The following SEC24D variants were observed in gnomAD, a reference collection of about 807,000 sequenced individuals.
SEC24D encodes the protein SEC24 homolog D, COPII component, also known as protein transport protein Sec24D.
A neutral mutation model predicts 116.9 loss-of-function variants in SEC24D; 69 were observed. The ratio of observed to expected loss-of-function variants is 0.59; its 90% CI spans 0.49 to 0.72. The LOEUF (loss-of-function observed/expected upper bound fraction) is 0.72, where lower values mean the gene tolerates loss of function less well. Ranked by LOEUF, SEC24D falls within the 30% of genes least tolerant of loss-of-function variation. SEC24D has a pLI of 0.00. For synonymous variants in SEC24D, 405 were observed against 442.8 expected (o/e 0.91, Z 1.07); for missense variants, 1,131 against 1,264.1 (o/e 0.89, Z 1.60).
chr4:118,727,615 A>ACG (rs1491585522), intron 22 of SEC24D, among the ~76,000 whole-genome samples: 3 of 151,802 alleles, frequency 2.0e-5, no homozygotes, highest in African/African-American at 4.8e-5. Context: ...ATTTGGTTAC[A>ACG]TGTTTCTAGG....
intron 19 of SEC24D, chr4:118,738,040 C>T (rs1216825038): frequency 8.9e-6 from 4 of 449,128 alleles, no homozygotes; most frequent in Admixed American, 3.8e-5. Context: ...TGACTGTCAA[C>T]TGAATATGCA....
intron 20 of SEC24D, among the ~76,000 whole-genome samples, chr4:118,731,839 C>T (rs1190053311): frequency 6.6e-6 from 1 of 152,124 alleles, no homozygotes; most frequent in Non-Finnish European, 1.5e-5. Flanking sequence ...CCAGGGAGCC[C>T]ACAAACTTTT....
chr4:118,779,919 G>A (rs1243888360), intron 8 of SEC24D, among the ~76,000 whole-genome samples: 1 of 152,142 alleles, frequency 6.6e-6, no homozygotes, highest in African/African-American at 2.4e-5. Context: ...CCTGATGGTA[G>A]TTTGTATTTC....
intron 8 of SEC24D, among the ~76,000 whole-genome samples, chr4:118,791,662 T>C (rs1467342620): frequency 2.0e-5 from 3 of 152,092 alleles, no homozygotes; most frequent in South Asian, 2.1e-4. Flanking sequence ...GTGCCTGGGA[T>C]TGCAGGCACG....
intron 11 of SEC24D, among the ~76,000 whole-genome samples, chr4:118,755,493 A>G (rs1282625262): frequency 2.6e-5 from 4 of 151,794 alleles, no homozygotes; most frequent in Admixed American, 2.6e-4. Context: ...AAATAACTAA[A>G]GAGCTTGATC....
intron 6 of SEC24D, among the ~76,000 whole-genome samples, chr4:118,810,074 C>CTCTGTGTGTG (rs776835322): frequency 8.0e-4 from 31 of 38,588 alleles, no homozygotes; most frequent in Non-Finnish European, 1.0e-3. Context: ...TCAGAGGTAG[C>CTCTGTGTGTG]TGTGTGTGTG....
intron 8 of SEC24D, 83 bp from the exon 9 acceptor site, chr4:118,768,394 CTTTTTTTTT>C (rs34595739): frequency 1.7e-5 from 10 of 581,522 alleles, no homozygotes; most frequent in Middle Eastern, 8.5e-4. Context: ...TTTAATGGCA[CTTTTTTTTT>C]TTTTTTTTTG....
chr4:118,780,909 T>A lies in SEC24D; in HGVS notation c.1042-12598A>T, dbSNP rs1455054111. ...AGAGACTAGGATTGCAACCCCTGCT[T>A]TTTTTTTTTTTTTTTTTTTTTTTGC... is the stretch of plus-strand genomic sequence containing the variant. On this transcript the variant is annotated intron_variant, in intron 8 of 22. Transcript: ENST00000280551. Among the ~76,000 whole-genome samples, 47 of 74,154 alleles carry A rather than the reference T, an allele frequency of 6.3e-4. 3 individuals are homozygous for A. The highest frequency in any genetic ancestry group is 1.0e-3 in the South Asian group (2 of 1,930). The allele number at this position is 74,154 out of a possible 152,430, so 48.6% of individuals were successfully genotyped here.
intron 3 of SEC24D, among the ~76,000 whole-genome samples, chr4:118,821,801 G>A (rs1331552408): frequency 1.3e-5 from 2 of 152,310 alleles, no homozygotes; most frequent in African/African-American, 4.8e-5. Flanking sequence ...CTTGCATTGC[G>A]CTACATTCAC....
chr4:118,771,154 G>A (rs552178024), intron 8 of SEC24D, among the ~76,000 whole-genome samples: 4 of 151,940 alleles, frequency 2.6e-5, no homozygotes, highest in Admixed American at 1.3e-4. Context: ...TTTTGAGTTC[G>A]ATCTTGGTGT....
chr4:118,757,895 T>A, intron 10 of SEC24D, 50 bp from the exon 11 acceptor site: 1 of 1,485,940 alleles, frequency 6.7e-7, no homozygotes, highest in South Asian at 1.2e-5. Flanking sequence ...CATTGCATAA[T>A]CAAATGTCAA....
At chr4:118,763,514 GAGAAAATA>G (rs1334063252) in intron 10 of SEC24D, among the ~76,000 whole-genome samples, 7 of 152,178 alleles carry the variant, frequency 4.6e-5, no homozygotes, top group Non-Finnish European at 8.8e-5. Context: ...ATTTTTAGAA[GAGAAAATA>G]AGAAAATAAG....
chr4:118,792,911 C>CA (rs570400370), intron 8 of SEC24D, among the ~76,000 whole-genome samples: 44 of 152,016 alleles, frequency 2.9e-4, no homozygotes, highest in African/African-American at 1.0e-3. Context: ...CAAAACAAAA[C>CA]AAAAAAACAT....
At chr4:118,727,817 A>G (rs1430969285) in intron 22 of SEC24D, among the ~76,000 whole-genome samples, 1 of 152,110 alleles carries the variant, frequency 6.6e-6, no homozygotes, top group African/African-American at 2.4e-5. Flanking sequence ...AGCTCTACCT[A>G]AAGTTGATGT....
chr4:118,787,722 C>T (rs1313754844), intron 8 of SEC24D, among the ~76,000 whole-genome samples: 3 of 152,110 alleles, frequency 2.0e-5, no homozygotes, highest in Admixed American at 6.6e-5. Flanking sequence ...GTGTGAGAAT[C>T]GCTTGAGCCT....
chr4:118,817,441 A>T (rs372610032), intron 3 of SEC24D, 29 bp from the exon 4 acceptor site: 10 of 1,587,902 alleles, frequency 6.3e-6, no homozygotes, highest in Non-Finnish European at 8.6e-6. Flanking sequence ...ATGTCAAACA[A>T]TATCACAGCG....
At chr4:118,814,958 A>G (rs976006913) in intron 6 of SEC24D, 70 bp downstream of exon 6, 95 of 1,523,558 alleles carry the variant, frequency 6.2e-5, no homozygotes, top group Non-Finnish European at 1.3e-5. Flanking sequence ...ATGCTAACAA[A>G]CTGATGAGTT....
chr4:118,781,915 C>G (rs1728432685), intron 8 of SEC24D, among the ~76,000 whole-genome samples: 1 of 152,162 alleles, frequency 6.6e-6, no homozygotes, highest in Non-Finnish European at 1.5e-5. Flanking sequence ...AGTTTTCGCA[C>G]CATGGTTTTC....
rs753471757 is a variant in SEC24D, at chr4:118,815,160, T to TTTAAATTTAAAGAGAAA, written c.674-6_674-5insTTTCTCTTTAAATTTAA. Reference sequence around the variant, plus strand: ...CCATCTGGGGACCAGAGTTGGCTGCTTGGAAAAAATTTAAAGAGAAATGAC... The same window carrying TTTAAATTTAAAGAGAAA: ...CCATCTGGGGACCAGAGTTGGCTGCTTTAAATTTAAAGAGAAATGGAAAAAATTTAAAGAGAAATGAC... On this transcript the variant is annotated splice_region_variant and splice_polypyrimidine_tract_variant and intron_variant, in intron 5 of 22. Transcript: ENST00000280551. The TTTAAATTTAAAGAGAAA allele has an allele frequency of 8.6e-5, 139 of 1,613,620 alleles. 1 individual carries two copies. Among genetic ancestry groups the TTTAAATTTAAAGAGAAA allele is most frequent in the Non-Finnish European group, 1.1e-4 (134 of 1,179,914 alleles).
Sources: allele counts gnomAD v4.1 joint callset (sites outside exome capture counted in the v4.1 genomes callset), GRCh38; gene constraint gnomAD v4.1.1; transcripts MANE v1.5; gene names NCBI Gene and HGNC (gene_info 2026-07-23, HGNC 2026-07-21).